GRM7: variants seen among roughly 807,000 people sequenced by gnomAD.
The protein encoded by GRM7 is metabotropic glutamate receptor 7.
Under a neutral mutation model 84.5 loss-of-function variants are expected in GRM7, and 35 were observed. The ratio of observed to expected loss-of-function variants is 0.41; its 90% CI spans 0.32 to 0.55. GRM7 has a LOEUF of 0.55. Among genes scored for constraint, GRM7 ranks in the 20% least tolerant of loss-of-function variants. GRM7 has a pLI of 0.19. For missense variants in GRM7, 1,003 were observed against 1,194.6 expected (o/e 0.84, Z 2.36); for synonymous variants, 487 against 455.1 (o/e 1.07, Z -0.89).
chr3:7,571,549 G>T (rs1694659330), intron 7 of GRM7, among the ~76,000 whole-genome samples: 1 of 152,102 alleles, frequency 6.6e-6, no homozygotes, highest in Non-Finnish European at 1.5e-5. Flanking sequence ...CACCTCCTTA[G>T]CCTGGATTTC....
chr3:7,456,693 C>G (rs1157858018), intron 6 of GRM7, among the ~76,000 whole-genome samples: 1 of 72,324 alleles, frequency 1.4e-5, no homozygotes, highest in Non-Finnish European at 4.0e-5. Flanking sequence ...TTTTCTCTCT[C>G]TCTTTTTTTT....
At chr3:7,489,415 T>G (rs1699442406) in intron 7 of GRM7, among the ~76,000 whole-genome samples, 1 of 152,196 alleles carries the variant, frequency 6.6e-6, no homozygotes, top group Admixed American at 6.5e-5. Context: ...TAGCTCTGAA[T>G]ACTAATTTAA....
intron 7 of GRM7, chr3:7,520,049 T>C (rs954305135): frequency 1.3e-5 from 2 of 152,186 alleles, no homozygotes; most frequent in African/African-American, 4.8e-5. Flanking sequence ...AGGTGGAAGA[T>C]ACGGTCCAAG....
chr3:6,918,244 G>A (rs1364381419), intron 1 of GRM7, among the ~76,000 whole-genome samples: 1 of 152,190 alleles, frequency 6.6e-6, no homozygotes, highest in Non-Finnish European at 1.5e-5. Flanking sequence ...ATGACTCAAA[G>A]TTCAGGAGGG....
At chr3:7,668,964 A>G (rs1361733544) in intron 8 of GRM7, among the ~76,000 whole-genome samples, 2 of 152,188 alleles carry the variant, frequency 1.3e-5, no homozygotes, top group East Asian at 3.9e-4. Flanking sequence ...TCTACCTATT[A>G]TATGTTACTA....
chr3:6,863,030 A>T lies in GRM7; in HGVS notation c.519+1123A>T, dbSNP rs1323752045. ...GGAATGAGTGGCTTTGGGGTTTGGA[A>T]ATTGAGTTTCAGGGTCTCTGTGATT... On this transcript the variant is annotated intron_variant, in intron 1 of 9. Coordinates refer to ENST00000357716, the MANE Select transcript of GRM7 (RefSeq NM_000844.4). This position sits in a 1 kb window ranked among gnomAD's most constrained non-coding sequence, Gnocchi z 4.8. 2 of 455,368 alleles carry T rather than the reference A, an allele frequency of 4.4e-6. No individual in the cohort carries two copies. The highest frequency in any genetic ancestry group is 4.0e-5 in the African/African-American group (2 of 49,924). The allele number at this position is 455,368 out of a possible 1,614,324, so 28.2% of individuals were successfully genotyped here.
At position 7,348,406 on chromosome 3, in the gene GRM7, A is replaced by G. The variant is rs17699086; in HGVS notation, c.1033+41754A>G. ...ATCCTGCTTATATTTGTTGCTCCAT[A>G]TCACCAGGAAAATTTCTTTTATTTT... is the stretch of plus-strand genomic sequence containing the variant. On this transcript the variant is annotated intron_variant, in intron 4 of 9. Coordinates refer to ENST00000357716, the MANE Select transcript of GRM7 (RefSeq NM_000844.4). Among the ~76,000 whole-genome samples, 1,406 of 152,128 alleles carry G rather than the reference A, an allele frequency of 9.2e-3. 12 individuals carry two copies. The highest frequency in any genetic ancestry group is 0.027 in the Admixed American group (406 of 15,256).
intron 1 of GRM7, among the ~76,000 whole-genome samples, chr3:7,110,146 C>T (rs1391944): frequency 6.6e-6 from 1 of 151,782 alleles, no homozygotes; most frequent in African/African-American, 2.4e-5. Flanking sequence ...TATGGAAAAT[C>T]ATTTAATAGC....
At position 7,452,590 on chromosome 3, in the gene GRM7, C is replaced by A; in HGVS notation, c.1175-17C>A. The A allele has an allele frequency of 6.7e-7, 1 of 1,488,724 alleles. No homozygotes were observed. Among genetic ancestry groups the A allele is most frequent in the South Asian group, 1.1e-5 (1 of 87,352 alleles). 92.2% of individuals were successfully genotyped at this position (1,488,724 alleles called of 1,614,324 possible). A position where few individuals can be genotyped will look rare whatever the true frequency, so the allele number is the denominator to read the frequency against. ...TGTGTGTGTGTGTGTGTGTGTGTTT[C>A]TTGTTTTAATGTGCAGGACAGGAGA... On this transcript the variant is annotated splice_polypyrimidine_tract_variant and intron_variant, in intron 5 of 9. Coordinates refer to ENST00000357716, the MANE Select transcript of GRM7 (RefSeq NM_000844.4).
chr3:7,518,733 T>C (rs751443852), intron 7 of GRM7, among the ~76,000 whole-genome samples: 23 of 152,140 alleles, frequency 1.5e-4, no homozygotes, highest in Non-Finnish European at 2.4e-4. Context: ...GCTGCTCAAA[T>C]AGAAATTAGT....
intron 5 of GRM7, among the ~76,000 whole-genome samples, chr3:7,452,127 A>G (rs527380546): frequency 3.2e-4 from 48 of 152,314 alleles, no homozygotes; most frequent in African/African-American, 1.1e-3. Context: ...GAAAACGGAC[A>G]TCAGTGTTTC....
chr3:7,533,458 G>A (rs1403872782), intron 7 of GRM7, among the ~76,000 whole-genome samples: 1 of 152,178 alleles, frequency 6.6e-6, no homozygotes, highest in African/African-American at 2.4e-5. Context: ...TGAAAACAAA[G>A]ACCACAATGT....
Position 7,146,503 on chromosome 3 carries a change from C to T in GRM7, c.571C>T (p.Arg191Cys). ...GGCACCCGAGCTAAGTGATGACCGGCGCTATGACTTCTTCTCTCGCGTGGT... is the reference window on the plus strand; with the variant it reads ...GGCACCCGAGCTAAGTGATGACCGGTGCTATGACTTCTTCTCTCGCGTGGT... ...STAPELSDDR[R>C]YDFFSRVVPP... is the part of the protein sequence containing the mutation. Residue 191 changes from arginine (R) to cysteine (C), a missense_variant, in exon 2 of 10, where the codon CGC (arginine) becomes TGC (cysteine). Arg to Cys is a radical substitution (Grantham distance 180). Coordinates refer to ENST00000357716, the MANE Select transcript of GRM7 (RefSeq NM_000844.4). 5.0e-6 allele frequency: 8 copies of T among 1,613,906 alleles called. No individual in the cohort carries two copies. The highest frequency in any genetic ancestry group is 5.9e-6 in the Non-Finnish European group (7 of 1,179,952).
chr3:7,178,450 G>A (rs1356417954), intron 2 of GRM7, among the ~76,000 whole-genome samples: 1 of 151,920 alleles, frequency 6.6e-6, no homozygotes, highest in African/African-American at 2.4e-5. Flanking sequence ...CATCCATGTA[G>A]ATCCCTATCA....
intron 1 of GRM7, among the ~76,000 whole-genome samples, chr3:7,045,968 C>G (rs1185655421): frequency 6.6e-6 from 1 of 151,942 alleles, no homozygotes; most frequent in Admixed American, 6.6e-5. Context: ...TATTTTCTAC[C>G]ATAACTGTAC....
chr3:7,068,872 A>T (rs1358238903), intron 1 of GRM7, among the ~76,000 whole-genome samples: 2 of 151,864 alleles, frequency 1.3e-5, no homozygotes, highest in Non-Finnish European at 2.9e-5. Context: ...TAGTGGCTTC[A>T]TTGGCTTCAG....
At chr3:7,672,266 C>G (rs998933512) in intron 8 of GRM7, among the ~76,000 whole-genome samples, 28 of 152,200 alleles carry the variant, frequency 1.8e-4, no homozygotes, top group African/African-American at 6.5e-4. Context: ...TATGTGAGCA[C>G]TCCAATTAGG....
At chr3:6,952,483 G>A (rs541685966) in intron 1 of GRM7, among the ~76,000 whole-genome samples, 2 of 152,218 alleles carry the variant, frequency 1.3e-5, no homozygotes, top group East Asian at 1.9e-4. Context: ...ATTAATTCTG[G>A]CTGCAGTAAT....
chr3:7,209,472 C>T (rs1696349025), intron 2 of GRM7, among the ~76,000 whole-genome samples: 1 of 152,078 alleles, frequency 6.6e-6, no homozygotes, highest in South Asian at 2.1e-4. Flanking sequence ...AGAAGTTAAA[C>T]ATCCAGAGAC....
Sources: gnomAD v4.1 joint callset for allele counts (sites outside exome capture counted in the v4.1 genomes callset) on GRCh38, gnomAD v4.1.1 for gene constraint, Gnocchi (gnomAD v3.1) non-coding constraint, MANE v1.5 for transcripts, NCBI Gene and HGNC (gene_info 2026-07-23, HGNC 2026-07-21) for gene names.